Variants in FAF2 observed in about 807,000 individuals in gnomAD.
FAF2 encodes FAS-associated factor 2.
In FAF2, 9 loss-of-function variants were observed where a neutral mutation model predicts 62.3. That is an observed-to-expected ratio of 0.14 (90% CI 0.09 to 0.25). The LOEUF is 0.25. FAF2 is among the 10% of genes least tolerant of loss of function. The pLI is 1.00. For missense variants in FAF2, 368 were observed against 556.2 expected (o/e 0.66, Z 3.40); for synonymous variants, 202 against 198.0 (o/e 1.02, Z -0.17).
At chr5:176,479,317 C>T (rs773389338) in intron 2 of FAF2, 61 bp downstream of exon 2, 6 of 1,341,520 alleles carry the variant, frequency 4.5e-6, no homozygotes, top group Middle Eastern at 1.8e-4. Context: ...GAGTCAAAAC[C>T]GTATGTTTTT....
At chr5:176,504,877 A>G (rs1359708454) in intron 10 of FAF2, among the ~76,000 whole-genome samples, 1 of 151,814 alleles carries the variant, frequency 6.6e-6, no homozygotes, top group African/African-American at 2.4e-5. Flanking sequence ...TTAAAAGTTA[A>G]CCAGGCATGG....
chr5:176,487,178 A>G (rs952215576), intron 3 of FAF2, among the ~76,000 whole-genome samples: 15 of 151,864 alleles, frequency 9.9e-5, no homozygotes, highest in Non-Finnish European at 1.8e-4. Flanking sequence ...GGAGTACTTG[A>G]TTTTTGTTGT....
rs552121911 is a variant in FAF2, at chr5:176,509,749, T to C, written c.*2799T>C. On this transcript the variant is annotated 3_prime_UTR_variant, in exon 11 of 11. Transcript: ENST00000261942. ...GAACCTAGAACCTTCAATTGAGCAGTTGTGAAAATTGCTAATGGTGCCAAG... is the reference window on the plus strand; with the variant it reads ...GAACCTAGAACCTTCAATTGAGCAGCTGTGAAAATTGCTAATGGTGCCAAG... 2.7e-4 allele frequency: 41 copies of C among 152,762 alleles called. No homozygotes were observed. Among genetic ancestry groups the C allele is most frequent in the African/African-American group, 7.0e-4 (29 of 41,586 alleles). The allele number at this position is 152,762 out of a possible 1,614,324, so 9.5% of individuals were successfully genotyped here.
rs1758189363 is a variant in FAF2, at chr5:176,451,884, ATATATATATTTTTT to A, written c.63+3416_63+3429del. Among the ~76,000 whole-genome samples the A allele has an allele frequency of 4.1e-3, 116 of 28,054 alleles. 3 individuals carry two copies. The highest frequency in any genetic ancestry group is 5.3e-3 in the South Asian group (4 of 758). The allele number at this position is 28,054 out of a possible 152,430, so 18.4% of individuals were successfully genotyped here. ...CATATATATATACACACATATATAT[ATATATATATTTTTT>A]TTTTTTTTTTTTTTTTTTTTTTTGA... On this transcript the variant is annotated intron_variant, in intron 1 of 10. Transcript: ENST00000261942.
rs1352958168 is a variant in FAF2 at position 176,494,816 on chromosome 5, G to A, written c.661+541G>A. Among the ~76,000 whole-genome samples the A allele has an allele frequency of 6.6e-6, 1 of 152,100 alleles. No individual in the cohort carries two copies. The highest frequency in any genetic ancestry group is 1.5e-5 in the Non-Finnish European group (1 of 68,028). On this transcript the variant is annotated intron_variant, in intron 7 of 10. Transcript: ENST00000261942. This position sits in a 1 kb window ranked among gnomAD's most constrained non-coding sequence, Gnocchi z 4.0. ...CCCACCTCAGCCTCCCAAAGTGCTG[G>A]GATTACAGGTGTGAGCCACTGTGCC...
intron 1 of FAF2, among the ~76,000 whole-genome samples, chr5:176,465,726 G>A (rs1280193455): frequency 6.6e-6 from 1 of 152,080 alleles, no homozygotes; most frequent in African/African-American, 2.4e-5. Flanking sequence ...TGGGCACAGT[G>A]GCTCATGCCT....
At position 176,499,092 on chromosome 5, in the gene FAF2, G is replaced by A. The variant is rs201482220; in HGVS notation, c.1011+7G>A. 2 of 1,566,912 alleles carry A rather than the reference G, an allele frequency of 1.3e-6. No homozygotes were observed. The highest frequency in any genetic ancestry group is 2.7e-5 in the African/African-American group (2 of 74,058). The stretch of plus-strand genomic sequence containing the variant: ...AGAGGAGAGACGGCGGCAGGTAATG[G>A]ACGTGTGGCTTTACTCCCTGTGGTT... On this transcript the variant is annotated splice_region_variant and intron_variant, in intron 9 of 10. Transcript: ENST00000261942.
At chr5:176,480,196 A>G (rs1361225297) in intron 2 of FAF2, among the ~76,000 whole-genome samples, 2 of 152,036 alleles carry the variant, frequency 1.3e-5, no homozygotes, top group South Asian at 4.1e-4. Flanking sequence ...GTGGATGTTG[A>G]ATTTTGTCAA....
intron 1 of FAF2, among the ~76,000 whole-genome samples, chr5:176,457,543 A>G (rs1217336578): frequency 6.6e-6 from 1 of 152,156 alleles, no homozygotes; most frequent in Non-Finnish European, 1.5e-5. Flanking sequence ...ATTATTTCAC[A>G]TATTCAAGGA....
rs773244335 is a variant in FAF2, at chr5:176,477,107, C to CT, written c.64-2063dup. The stretch of plus-strand genomic sequence containing the variant: ...ACAGGCGTGAGCCACCGTGCCCGGC[C>CT]TTTTTTTTTTTTTTTTTTAAGTTGA... On this transcript the variant is annotated intron_variant, in intron 1 of 10. Transcript: ENST00000261942. Among the ~76,000 whole-genome samples, 718 of 122,804 alleles carry CT rather than the reference C, an allele frequency of 5.8e-3. 27 individuals are homozygous for CT. Among genetic ancestry groups the CT allele is most frequent in the East Asian group, 0.036 (146 of 4,044 alleles). 80.6% of individuals were successfully genotyped at this position (122,804 alleles called of 152,430 possible). A position where few individuals can be genotyped will look rare whatever the true frequency, so the allele number is the denominator to read the frequency against.
intron 1 of FAF2, among the ~76,000 whole-genome samples, chr5:176,477,795 A>C (rs1047076297): frequency 1.3e-5 from 2 of 152,160 alleles, no homozygotes; most frequent in South Asian, 4.1e-4. Flanking sequence ...CTAAATTCAG[A>C]GTTAAAATGT....
At chr5:176,476,748 A>G in intron 1 of FAF2, among the ~76,000 whole-genome samples, 1 of 138,820 alleles carries the variant, frequency 7.2e-6, no homozygotes, top group Non-Finnish European at 1.5e-5. Context: ...TTCCCCCACC[A>G]CAGCCTCCCG....
At chr5:176,500,261 CA>C in intron 10 of FAF2, 115 bp downstream of exon 10, 1 of 895,172 alleles carries the variant, frequency 1.1e-6, no homozygotes, top group Non-Finnish European at 1.7e-6. Context: ...GAACAGGGAA[CA>C]GAGAGAGAGA....
chr5:176,448,673 A>G lies in FAF2; in HGVS notation c.63+203A>G, dbSNP rs191717155. Among the ~76,000 whole-genome samples the G allele has an allele frequency of 1.0e-3, 154 of 148,204 alleles. 3 individuals carry two copies. The East Asian group carries it at 0.028, about 27-fold the overall frequency. ...TAGCCTTCCAGCCATCGCTGCGGGC[A>G]GACCCGCCTCGTCTGTGCCTCTGTG... On this transcript the variant is annotated intron_variant, in intron 1 of 10. Coordinates refer to ENST00000261942, the MANE Select transcript of FAF2 (RefSeq NM_014613.3).
At chr5:176,499,674 T>C (rs1755559906) in intron 9 of FAF2, among the ~76,000 whole-genome samples, 1 of 152,020 alleles carries the variant, frequency 6.6e-6, no homozygotes, top group Non-Finnish European at 1.5e-5. Flanking sequence ...GTGCAGTGGC[T>C]ATTCACCAGT....
intron 1 of FAF2, among the ~76,000 whole-genome samples, chr5:176,478,282 G>A (rs1419678134): frequency 6.6e-6 from 1 of 152,182 alleles, no homozygotes; most frequent in Non-Finnish European, 1.5e-5. Flanking sequence ...TTGGAGACCA[G>A]CCTGGGGAAT....
At chr5:176,482,035 T>C (rs1343738318) in intron 2 of FAF2, among the ~76,000 whole-genome samples, 1 of 152,144 alleles carries the variant, frequency 6.6e-6, no homozygotes, top group Admixed American at 6.5e-5. Flanking sequence ...ATATTTGTCT[T>C]CTAGATCATA....
chr5:176,503,504 G>T (rs1755628409), intron 10 of FAF2, among the ~76,000 whole-genome samples: 1 of 151,618 alleles, frequency 6.6e-6, no homozygotes, highest in South Asian at 2.1e-4. Flanking sequence ...GCAGTGAATG[G>T]AGATCGTGCT....
chr5:176,503,884 G>C (rs74292759), intron 10 of FAF2, among the ~76,000 whole-genome samples: 12,679 of 152,162 alleles, frequency 0.083, 876 homozygotes, highest in East Asian at 0.28. Context: ...AATGCCGGCC[G>C]AGTGCGGTGG....
Sources: gnomAD v4.1 joint callset for allele counts (sites outside exome capture counted in the v4.1 genomes callset) on GRCh38, gnomAD v4.1.1 for gene constraint, Gnocchi (gnomAD v3.1) non-coding constraint, MANE v1.5 for transcripts, NCBI Gene and HGNC (gene_info 2026-07-23, HGNC 2026-07-21) for gene names.